The following FGF12 variants were observed in gnomAD, a reference collection of about 807,000 sequenced individuals.
The protein encoded by FGF12 is fibroblast growth factor 12B.
FGF12 carries 14 observed loss-of-function variants against 23.6 expected under a neutral mutation model. The observed-to-expected ratio is 0.59, with a 90% CI of 0.39 to 0.93. FGF12 has a LOEUF of 0.93. FGF12 is among the 40% of genes least tolerant of loss of function. The probability of loss-of-function intolerance (pLI) is 0.00; values close to 1 mark genes in which losing one functional copy is unlikely to be tolerated. For missense variants in FGF12, 175 were observed against 217.8 expected (o/e 0.80, Z 1.24); for synonymous variants, 62 against 77.3 (o/e 0.80, Z 1.04).
At chr3:192,269,366 C>T (rs529299476) in intron 4 of FGF12, among the ~76,000 whole-genome samples, 27 of 152,160 alleles carry the variant, frequency 1.8e-4, no homozygotes, top group Non-Finnish European at 3.5e-4. Context: ...TCAGTGTTAC[C>T]AGATGTAATC....
intron 2 of FGF12, among the ~76,000 whole-genome samples, chr3:192,447,841 G>A (rs950823834): frequency 1.4e-4 from 21 of 152,014 alleles, no homozygotes; most frequent in African/African-American, 4.8e-4. Context: ...TAGCTACCAC[G>A]CAGATCAAGT....
In FGF12 at chr3:192,382,082, C is replaced by T. The variant is rs192954565; in HGVS notation, c.14-21544G>A. Among the ~76,000 whole-genome samples, 679 of 152,162 alleles carry T rather than the reference C, an allele frequency of 4.5e-3. 4 individuals carry two copies. The highest frequency in any genetic ancestry group is 0.016 in the African/African-American group (644 of 41,490). On this transcript the variant is annotated intron_variant, in intron 2 of 5. Transcript: ENST00000445105. Reference sequence around the variant, plus strand: ...TGCGATCTCAGCCCACTGCAACCTCCACCTTCCGGGTTCAAGCCATTCTCC... The same window carrying T: ...TGCGATCTCAGCCCACTGCAACCTCTACCTTCCGGGTTCAAGCCATTCTCC...
intron 4 of FGF12, among the ~76,000 whole-genome samples, chr3:192,280,232 T>C (rs1214522157): frequency 6.6e-6 from 1 of 152,188 alleles, no homozygotes; most frequent in African/African-American, 2.4e-5. Context: ...GAGGTTTTTT[T>C]CCAAACAAAT....
At chr3:192,502,144 G>A (rs1442553317) in intron 2 of FGF12, among the ~76,000 whole-genome samples, 1 of 152,158 alleles carries the variant, frequency 6.6e-6, no homozygotes, top group Admixed American at 6.5e-5. Flanking sequence ...GGACTGCCTT[G>A]TGAGTCTTTC....
intron 3 of FGF12, among the ~76,000 whole-genome samples, chr3:192,359,092 A>G (rs2108731104): frequency 6.6e-6 from 1 of 152,304 alleles, no homozygotes; most frequent in South Asian, 2.1e-4. Flanking sequence ...GAAAGCTTTA[A>G]TCATTTAAAG....
intron 3 of FGF12, among the ~76,000 whole-genome samples, chr3:192,341,605 T>A (rs1717691114): frequency 6.6e-6 from 1 of 152,142 alleles, no homozygotes; most frequent in Non-Finnish European, 1.5e-5. Context: ...GAACCCCACA[T>A]AAGATAAGCT....
rs900348080 is a variant in FGF12 at position 192,178,947 on chromosome 3, G to A, written c.229-8291C>T. 3.9e-5 allele frequency among the ~76,000 whole-genome samples: 6 copies of A among 152,252 alleles called. No homozygotes were observed. The East Asian group carries it at 5.8e-4, about 15-fold the overall frequency. On this transcript the variant is annotated intron_variant, in intron 4 of 5. Transcript: ENST00000445105. Reference sequence around the variant, plus strand: ...ACAACTCCAGAGACAGAGTCCTTTCGGTTATTCTCACTGGATATTTGGCTG... The same window carrying A: ...ACAACTCCAGAGACAGAGTCCTTTCAGTTATTCTCACTGGATATTTGGCTG...
chr3:192,182,128 C>G (rs956089429), intron 4 of FGF12, among the ~76,000 whole-genome samples: 1 of 152,036 alleles, frequency 6.6e-6, no homozygotes, highest in Non-Finnish European at 1.5e-5. Flanking sequence ...ATATAAACAA[C>G]TCGGTATTTG....
intron 2 of FGF12, among the ~76,000 whole-genome samples, chr3:192,580,144 C>T (rs1019203131): frequency 5.3e-5 from 8 of 152,030 alleles, no homozygotes; most frequent in African/African-American, 1.9e-4. Flanking sequence ...AGACATACAA[C>T]GTTGTAGCTT....
At chr3:192,363,634 G>T (rs1311355886) in intron 2 of FGF12, among the ~76,000 whole-genome samples, 1 of 151,988 alleles carries the variant, frequency 6.6e-6, no homozygotes, top group Non-Finnish European at 1.5e-5. Context: ...AGCCTGAGTG[G>T]CATCTTGTAT....
intron 5 of FGF12, among the ~76,000 whole-genome samples, chr3:192,155,941 T>A (rs1051033000): frequency 6.6e-5 from 10 of 152,230 alleles, no homozygotes; most frequent in Non-Finnish European, 1.2e-4. Context: ...CCTTGATTTG[T>A]AGTAGCTCGA....
At chr3:192,236,453 C>T (rs1719304833) in intron 4 of FGF12, among the ~76,000 whole-genome samples, 2 of 152,068 alleles carry the variant, frequency 1.3e-5, no homozygotes, top group African/African-American at 2.4e-5. Context: ...TACTGTCACT[C>T]GGGTGTTGAA....
chr3:192,224,537 A>T (rs963678937), intron 4 of FGF12, among the ~76,000 whole-genome samples: 1 of 152,114 alleles, frequency 6.6e-6, no homozygotes, highest in African/African-American at 2.4e-5. Flanking sequence ...AATGGTTAAC[A>T]AGTAAATATC....
At chr3:192,394,970 C>T (rs1313995867) in intron 2 of FGF12, among the ~76,000 whole-genome samples, 2 of 152,168 alleles carry the variant, frequency 1.3e-5, no homozygotes, top group African/African-American at 4.8e-5. Context: ...TGAATATGTT[C>T]CCTCAAGGGT....
intron 4 of FGF12, among the ~76,000 whole-genome samples, chr3:192,255,920 C>T (rs142009678): frequency 4.0e-4 from 61 of 152,142 alleles, no homozygotes; most frequent in Middle Eastern, 3.4e-3. Context: ...GTTGGCATTC[C>T]ACAACAAAGA....
chr3:192,507,868 G>C (rs1276143728), intron 2 of FGF12, among the ~76,000 whole-genome samples: 3 of 152,160 alleles, frequency 2.0e-5, no homozygotes, highest in African/African-American at 7.2e-5. Flanking sequence ...TCATCATTTT[G>C]AGAATGGCTT....
intron 2 of FGF12, among the ~76,000 whole-genome samples, chr3:192,695,978 A>G (rs1482345067): frequency 6.6e-6 from 1 of 152,158 alleles, no homozygotes; most frequent in African/African-American, 2.4e-5. Flanking sequence ...ATGCACCAGT[A>G]ATCCCAGCTA....
chr3:192,423,420 T>C (rs773730667), intron 2 of FGF12, among the ~76,000 whole-genome samples: 1 of 152,178 alleles, frequency 6.6e-6, no homozygotes, highest in Non-Finnish European at 1.5e-5. Context: ...CTCGGGTTTT[T>C]CATTCTAATG....
intron 2 of FGF12, among the ~76,000 whole-genome samples, chr3:192,445,594 C>T (rs950097096): frequency 6.6e-6 from 1 of 152,148 alleles, no homozygotes; most frequent in Non-Finnish European, 1.5e-5. Flanking sequence ...CCTATTTTAG[C>T]TCATCAGAGA....
Sources: allele counts gnomAD v4.1 joint callset (sites outside exome capture counted in the v4.1 genomes callset), GRCh38; gene constraint gnomAD v4.1.1; transcripts MANE v1.5; gene names NCBI Gene and HGNC (gene_info 2026-07-23, HGNC 2026-07-21).